Variants in KCTD14 observed in about 807,000 individuals in gnomAD.
KCTD14 encodes potassium channel tetramerization domain containing 14.
Under a neutral mutation model 5.9 loss-of-function variants are expected in KCTD14, and 7 were observed. The ratio of observed to expected loss-of-function variants is 1.19; its 90% CI spans 0.68 to 2.23. KCTD14 has a LOEUF of 2.23. Ranked by LOEUF, KCTD14 falls within the 30% of genes most tolerant of loss-of-function variation. The pLI, the probability that KCTD14 is intolerant of heterozygous loss-of-function variation, is 0.00. For missense variants in KCTD14, 342 were observed against 332.2 expected (o/e 1.03, Z -0.23); for synonymous variants, 140 against 133.1 (o/e 1.05, Z -0.36).
rs186053470 is a variant in KCTD14, at chr11:78,044,591, G to A, written c.-96+1470C>T. ...ACAAGGCCAGCCATGCCGCACAGGA[G>A]ACGGAGTTATTTCTCAAATTGTTAG... On this transcript the variant is annotated intron_variant, in intron 1 of 2. Coordinates refer to the KCTD14 transcript ENST00000533144. Among the ~76,000 whole-genome samples, 3 of 152,286 alleles carry A rather than the reference G, an allele frequency of 2.0e-5. No homozygotes were observed. In the East Asian group the frequency reaches 5.8e-4, roughly 29 times the overall value.
Position 78,017,244 on chromosome 11 carries a change from G to A in KCTD14, c.117C>T (p.Val39=), listed in dbSNP as rs202237514. 86 of 1,603,988 alleles carry A rather than the reference G, an allele frequency of 5.4e-5. 1 individual carries two copies. In the Middle Eastern group the frequency reaches 6.6e-4, roughly 12 times the overall value. Residue 39 remains valine (V), a synonymous_variant, in exon 2 of 2, where the codon GTC becomes GTT. Transcript: ENST00000353172. ...PTMSTVVELN[V]GGEFHTTTLG... is the part of the protein sequence containing the mutation. ...GGGTGGTGGTGTGGAACTCACCCCC[G>A]ACGTTCAGCTCCACAACAGTAGACA...
At chr11:78,019,270 T>C (rs1214488469) in intron 1 of KCTD14, among the ~76,000 whole-genome samples, 1 of 152,166 alleles carries the variant, frequency 6.6e-6, no homozygotes, top group Non-Finnish European at 1.5e-5. Context: ...CACCTCGGCC[T>C]CCCAAAGTGT....
At chr11:78,031,228 T>A (rs964125490) in intron 2 of KCTD14, among the ~76,000 whole-genome samples, 3 of 151,808 alleles carry the variant, frequency 2.0e-5, no homozygotes, top group Admixed American at 6.6e-5. Flanking sequence ...TTTACTTTTT[T>A]GTAGAGATGG....
Position 78,045,114 on chromosome 11 carries a change from C to T in KCTD14, c.-96+947G>A, listed in dbSNP as rs942574779. Among the ~76,000 whole-genome samples the T allele has an allele frequency of 2.0e-3, 307 of 152,238 alleles. 3 individuals are homozygous for T. Among genetic ancestry groups the T allele is most frequent in the Non-Finnish European group, 8.8e-4 (60 of 68,002 alleles). ...AGCCCACTCACCCAACTCCTGAGAT[C>T]TTTTTTTGAGACAGGGTCTCACTTT... On this transcript the variant is annotated intron_variant, in intron 1 of 2. Transcript: ENST00000533144.
chr11:78,035,256 A>G (rs1345412411), intron 2 of KCTD14, among the ~76,000 whole-genome samples: 1 of 152,104 alleles, frequency 6.6e-6, no homozygotes, highest in African/African-American at 2.4e-5. Context: ...GTGCATCCAC[A>G]GGCTTCCATG....
intron 2 of KCTD14, among the ~76,000 whole-genome samples, chr11:78,035,781 G>A (rs1857774164): frequency 6.8e-6 from 1 of 146,678 alleles, no homozygotes; most frequent in Admixed American, 7.0e-5. Flanking sequence ...GGAGGCAGAG[G>A]TTGCAGTGAG....
At chr11:78,029,410 G>A (rs1857556633) in intron 2 of KCTD14, among the ~76,000 whole-genome samples, 1 of 152,136 alleles carries the variant, frequency 6.6e-6, no homozygotes, top group South Asian at 2.1e-4. Context: ...CACCTGACAG[G>A]ATTTGCAGGG....
intron 1 of KCTD14, chr11:78,046,049 A>G: frequency 1.0e-6 from 1 of 970,606 alleles, no homozygotes; most frequent in African/African-American, 1.8e-5. Context: ...CTTAGACACA[A>G]GCTGGAATTA....
intron 1 of KCTD14, among the ~76,000 whole-genome samples, chr11:78,039,208 A>T (rs1251755715): frequency 6.6e-6 from 1 of 152,088 alleles, no homozygotes; most frequent in African/African-American, 2.4e-5. Context: ...AACTTGAATC[A>T]TGCCATTTAA....
intron 2 of KCTD14, chr11:78,038,617 C>A (rs1409137303): frequency 1.3e-6 from 2 of 1,532,750 alleles, no homozygotes; most frequent in African/African-American, 2.7e-5. Context: ...TCCACCATCT[C>A]ACACAGCCCA....
Position 78,044,603 on chromosome 11 carries a change from T to C in KCTD14, c.-96+1458A>G, listed in dbSNP as rs1858082802. On this transcript the variant is annotated intron_variant, in intron 1 of 2. Transcript: ENST00000533144. ...ATGCCGCACAGGAGACGGAGTTATTTCTCAAATTGTTAGCAGTAGTGAATC... is the reference window on the plus strand; with the variant it reads ...ATGCCGCACAGGAGACGGAGTTATTCCTCAAATTGTTAGCAGTAGTGAATC... Among the ~76,000 whole-genome samples, 4 of 152,134 alleles carry C rather than the reference T, an allele frequency of 2.6e-5. No individual in the cohort carries two copies. In the South Asian group the frequency reaches 8.3e-4, roughly 32 times the overall value.
intron 1 of KCTD14, among the ~76,000 whole-genome samples, chr11:78,039,780 C>G (rs1392718913): frequency 1.3e-5 from 2 of 151,484 alleles, no homozygotes; most frequent in Non-Finnish European, 2.9e-5. Context: ...TTTTTTCCAC[C>G]TGGTATCGTG....
Position 78,017,305 on chromosome 11 carries a change from C to G in KCTD14, c.91-35G>C, listed in dbSNP as rs943616226. On this transcript the variant is annotated intron_variant, in intron 1 of 1. Coordinates refer to ENST00000353172, the MANE Select transcript of KCTD14 (RefSeq NM_023930.4). ...CAAGAGGCAGAGTAAACCAACACGC[C>G]ATCTCCCCTGAGCGCATTACTTATT... The G allele has an allele frequency of 4.5e-6, 7 of 1,545,430 alleles. No individual in the cohort carries two copies. In the African/African-American group the frequency reaches 8.2e-5, roughly 18 times the overall value.
rs1358930126 is a variant in KCTD14, at chr11:78,015,748, T to C, written c.*845A>G. The C allele has an allele frequency of 2.0e-5, 3 of 152,226 alleles. No individual in the cohort carries two copies. Among genetic ancestry groups the C allele is most frequent in the East Asian group, 1.9e-4 (1 of 5,208 alleles). The allele number at this position is 152,226 out of a possible 1,614,324, so 9.4% of individuals were successfully genotyped here. On this transcript the variant is annotated 3_prime_UTR_variant, in exon 2 of 2. Transcript: ENST00000353172. Reference sequence around the variant, plus strand: ...AAGTGGTTTATTGATGGAGTGCTCTTAGGAGAAGGGGAGTGAGGGAAGCAG... The same window carrying C: ...AAGTGGTTTATTGATGGAGTGCTCTCAGGAGAAGGGGAGTGAGGGAAGCAG...
chr11:78,019,685 A>G (rs1857262802), intron 1 of KCTD14, among the ~76,000 whole-genome samples: 1 of 152,188 alleles, frequency 6.6e-6, no homozygotes, highest in Non-Finnish European at 1.5e-5. Context: ...TAACGGGAAC[A>G]TTCTTCGTAA....
At chr11:78,037,043 G>T (rs534828705) in intron 2 of KCTD14, among the ~76,000 whole-genome samples, 87 of 152,316 alleles carry the variant, frequency 5.7e-4, no homozygotes, top group Non-Finnish European at 1.0e-3. Flanking sequence ...CATGAGCCAG[G>T]GTTCAAAACC....
At chr11:78,034,269 C>A (rs926546197) in intron 2 of KCTD14, among the ~76,000 whole-genome samples, 1 of 152,136 alleles carries the variant, frequency 6.6e-6, no homozygotes, top group Admixed American at 6.6e-5. Context: ...ACTACAGGTG[C>A]ATAGCACCAT....
chr11:78,030,637 T>C (rs1238760512), intron 2 of KCTD14, among the ~76,000 whole-genome samples: 3 of 152,216 alleles, frequency 2.0e-5, no homozygotes, highest in African/African-American at 7.2e-5. Context: ...CTCCCCTCTG[T>C]TCTTCAGGAG....
chr11:78,023,494 T>C (rs1270762013), upstream of KCTD14: 5 of 495,732 alleles, frequency 1.0e-5, no homozygotes, highest in Non-Finnish European at 1.4e-5. Flanking sequence ...ATAGATTAAT[T>C]TCCTTCCTTT....
Sources: gnomAD v4.1 joint callset for allele counts (sites outside exome capture counted in the v4.1 genomes callset) on GRCh38, gnomAD v4.1.1 for gene constraint, MANE v1.5 for transcripts, NCBI Gene and HGNC (gene_info 2026-07-23, HGNC 2026-07-21) for gene names.